The following PSD3 variants were observed in gnomAD, a reference collection of about 807,000 sequenced individuals.
PSD3 encodes pleckstrin and Sec7 domain containing 3.
PSD3 carries 49 observed loss-of-function variants against 105.5 expected under a neutral mutation model. The ratio of observed to expected loss-of-function variants is 0.46; its 90% CI spans 0.37 to 0.59. The LOEUF (loss-of-function observed/expected upper bound fraction) is 0.59. Ranked by LOEUF, PSD3 falls within the 20% of genes least tolerant of loss-of-function variation. The pLI, the probability that PSD3 is intolerant of heterozygous loss-of-function variation, is 0.00. For missense variants in PSD3, 1,561 were observed against 1,263.8 expected, an observed-to-expected ratio of 1.24 and a Z score of -3.57; for synonymous variants, 557 against 457.8, an observed-to-expected ratio of 1.22 and a Z score of -2.77.
chr8:18,766,250 C>T (rs1806989534), intron 8 of PSD3, among the ~76,000 whole-genome samples: 1 of 152,156 alleles, frequency 6.6e-6, no homozygotes, highest in Admixed American at 6.5e-5. Flanking sequence ...ATGAGAATCA[C>T]TTGAACCCAG....
intron 9 of PSD3, among the ~76,000 whole-genome samples, chr8:18,723,837 G>C (rs57109550): frequency 0.037 from 5,560 of 152,214 alleles, 288 homozygotes; most frequent in African/African-American, 0.11. Context: ...GATTTTCCCT[G>C]ACAGTGTCAC....
rs1225938318 is a variant in PSD3 at position 18,556,274 on chromosome 8, C to A, written c.2863G>T (p.Asp955Tyr). Reference protein sequence around the residue: ...ELAEHRSYPPDKKVKAKDVDE... With the variant: ...ELAEHRSYPPYKKVKAKDVDE... The stretch of plus-strand genomic sequence containing the variant: ...ACGTCCTTGGCTTTGACCTTCTTGT[C>A]GGGGGGATATGAGCGGTGCTCGGCC... Residue 955 changes from aspartate (D) to tyrosine (Y), a missense_variant, in exon 15 of 16, where the codon GAC becomes TAC. Physicochemically the swap from Asp to Tyr is radical, Grantham distance 160. Coordinates refer to ENST00000327040, the MANE Select transcript of PSD3 (RefSeq NM_015310.4). 1 of 1,613,800 alleles carries A rather than the reference C, an allele frequency of 6.2e-7. No individual in the cohort carries two copies. The highest frequency in any genetic ancestry group is 8.5e-7 in the Non-Finnish European group (1 of 1,179,948).
intron 1 of PSD3, among the ~76,000 whole-genome samples, chr8:19,031,268 G>T (rs1404006065): frequency 6.6e-6 from 1 of 152,082 alleles, no homozygotes; most frequent in East Asian, 1.9e-4. Flanking sequence ...TATTAAAGTG[G>T]GATGATTACT....
chr8:19,033,326 GTTA>G (rs1563520786), intron 1 of PSD3, among the ~76,000 whole-genome samples: 20 of 151,976 alleles, frequency 1.3e-4, no homozygotes. Flanking sequence ...CGCCTCTACT[GTTA>G]TAGTTCCTCT....
intron 9 of PSD3, among the ~76,000 whole-genome samples, chr8:18,739,886 G>C (rs768204312): frequency 6.6e-6 from 1 of 152,108 alleles, no homozygotes; most frequent in Non-Finnish European, 1.5e-5. Context: ...TATTTGTAAA[G>C]AATATTAGAA....
chr8:19,036,018 G>C (rs962841311), intron 1 of PSD3, among the ~76,000 whole-genome samples: 6 of 152,094 alleles, frequency 3.9e-5, no homozygotes, highest in Non-Finnish European at 7.4e-5. Flanking sequence ...GCCTCCCAAA[G>C]TGCTGGGATT....
At position 18,716,391 on chromosome 8, in the gene PSD3, A is replaced by G. The variant is rs568089146; in HGVS notation, c.2172+49058T>C. On this transcript the variant is annotated intron_variant, in intron 9 of 15. Coordinates refer to ENST00000327040, the MANE Select transcript of PSD3 (RefSeq NM_015310.4). Reference sequence around the variant, plus strand: ...GTGGAATAAATGGAAAAATGCCTCTATGAAAACACAACATTCTTGCAGGCC... The same window carrying G: ...GTGGAATAAATGGAAAAATGCCTCTGTGAAAACACAACATTCTTGCAGGCC... 9.2e-5 allele frequency among the ~76,000 whole-genome samples: 14 copies of G among 152,346 alleles called. No individual in the cohort carries two copies. The East Asian group carries it at 1.2e-3, about 13-fold the overall frequency.
At chr8:18,661,184 C>G (rs1166952364) in intron 9 of PSD3, among the ~76,000 whole-genome samples, 1 of 152,116 alleles carries the variant, frequency 6.6e-6, no homozygotes, top group Non-Finnish European at 1.5e-5. Flanking sequence ...ATTTTTTTCT[C>G]TGTGGTTCCT....
Position 18,534,709 on chromosome 8 carries a change from T to A in PSD3, c.*1034A>T, listed in dbSNP as rs1799762981. On this transcript the variant is annotated 3_prime_UTR_variant, in exon 16 of 16. Coordinates refer to ENST00000327040, the MANE Select transcript of PSD3 (RefSeq NM_015310.4). ...AGCTACGTTTTCCTTCCTTATTTTG[T>A]CTTAAGGACACAAGAAAAGCTGTTT... 1 of 152,380 alleles carries A rather than the reference T, an allele frequency of 6.6e-6. No individual in the cohort carries two copies. The highest frequency in any genetic ancestry group is 1.5e-5 in the Non-Finnish European group (1 of 68,030). The allele number at this position is 152,380 out of a possible 1,614,324, so 9.4% of individuals were successfully genotyped here. A position where few individuals can be genotyped will look rare whatever the true frequency, so the allele number is the denominator to read the frequency against.
chr8:18,764,769 A>C (rs112127896), intron 9 of PSD3, among the ~76,000 whole-genome samples: 2 of 152,234 alleles, frequency 1.3e-5, no homozygotes, highest in African/African-American at 2.4e-5. Flanking sequence ...TCAAAAAGAC[A>C]ACTGTAAAAA....
At chr8:18,752,552 A>G (rs1563225318) in intron 9 of PSD3, among the ~76,000 whole-genome samples, 1 of 9,558 alleles carries the variant, frequency 1.0e-4, no homozygotes, top group African/African-American at 2.7e-4. Context: ...TATATTATAT[A>G]TAATTATATA....
At chr8:18,683,174 G>A (rs553714739) in intron 9 of PSD3, among the ~76,000 whole-genome samples, 5 of 152,240 alleles carry the variant, frequency 3.3e-5, no homozygotes, top group Admixed American at 6.5e-5. Flanking sequence ...GCAAAAACAC[G>A]AGTGGTTTCA....
intron 11 of PSD3, among the ~76,000 whole-genome samples, chr8:18,623,523 C>G (rs2130725063): frequency 6.7e-6 from 1 of 150,028 alleles, no homozygotes; most frequent in South Asian, 2.1e-4. Context: ...GCCTGTAGTC[C>G]CAGCTATCTG....
intron 4 of PSD3, among the ~76,000 whole-genome samples, chr8:18,838,099 T>A (rs1235387859): frequency 6.6e-6 from 1 of 152,222 alleles, no homozygotes; most frequent in Non-Finnish European, 1.5e-5. Flanking sequence ...ATCATATGGC[T>A]TAACTCATTA....
intron 11 of PSD3, among the ~76,000 whole-genome samples, chr8:18,632,217 T>A (rs1806951246): frequency 1.3e-5 from 2 of 152,096 alleles, no homozygotes; most frequent in Non-Finnish European, 2.9e-5. Flanking sequence ...CATTAATTTT[T>A]CTATGCGTTG....
chr8:18,844,937 C>T (rs1814962679), intron 4 of PSD3, among the ~76,000 whole-genome samples: 1 of 152,154 alleles, frequency 6.6e-6, no homozygotes, highest in South Asian at 2.1e-4. Flanking sequence ...CAGTTCATTC[C>T]AAATTGGTGG....
intron 9 of PSD3, among the ~76,000 whole-genome samples, chr8:18,677,996 C>T (rs969809031): frequency 3.8e-4 from 48 of 126,174 alleles, no homozygotes; most frequent in African/African-American, 1.3e-3. Context: ...GGCAGCAGAG[C>T]GAGACTCTGT....
intron 9 of PSD3, among the ~76,000 whole-genome samples, chr8:18,667,683 C>T (rs376775225): frequency 6.6e-6 from 1 of 152,244 alleles, no homozygotes; most frequent in Non-Finnish European, 1.5e-5. Flanking sequence ...TGCCTGCACT[C>T]CTCAGCCCTT....
intron 9 of PSD3, among the ~76,000 whole-genome samples, chr8:18,656,345 AC>A (rs1808890352): frequency 7.1e-6 from 1 of 140,360 alleles, no homozygotes; most frequent in African/African-American, 2.7e-5. Flanking sequence ...GGCATGAGCC[AC>A]TGTGTCTGGC....
Sources: allele counts gnomAD v4.1 joint callset (sites outside exome capture counted in the v4.1 genomes callset), GRCh38; gene constraint gnomAD v4.1.1; transcripts MANE v1.5; gene names NCBI Gene and HGNC (gene_info 2026-07-23, HGNC 2026-07-21).